Variants in RARB observed in about 807,000 individuals in gnomAD.
RARB encodes retinoic acid receptor beta, also known as HBV-activated protein.
A neutral mutation model predicts 51.9 loss-of-function variants in RARB; 17 were observed. That is an observed-to-expected ratio of 0.33 (90% CI 0.22 to 0.49). RARB has a LOEUF of 0.49. Among genes scored for constraint, RARB ranks in the 20% least tolerant of loss-of-function variants. RARB has a pLI of 0.99. For missense variants in RARB, 369 were observed against 550.8 expected (o/e 0.67, Z 3.30); for synonymous variants, 215 against 195.4 (o/e 1.10, Z -0.84).
intron 2 of RARB, among the ~76,000 whole-genome samples, chr3:24,876,815 CAG>C (rs1559379638): frequency 1.3e-5 from 2 of 152,036 alleles, no homozygotes; most frequent in Non-Finnish European, 2.9e-5. Context: ...ATTAGAAAAA[CAG>C]AGTTTAGATA....
chr3:25,202,548 T>C (rs576989900), intron 5 of RARB, among the ~76,000 whole-genome samples: 1 of 152,226 alleles, frequency 6.6e-6, no homozygotes, highest in African/African-American at 2.4e-5. Context: ...TTTAGATCTT[T>C]CCTGCTTTGT....
chr3:25,112,967 G>T (rs949577145), intron 3 of RARB, among the ~76,000 whole-genome samples: 1 of 152,108 alleles, frequency 6.6e-6, no homozygotes, highest in Non-Finnish European at 1.5e-5. Flanking sequence ...ATTTAGTATA[G>T]ATCTGATTTT....
chr3:24,875,839 C>A (rs1006182085), intron 2 of RARB, among the ~76,000 whole-genome samples: 1 of 152,046 alleles, frequency 6.6e-6, no homozygotes, highest in African/African-American at 2.4e-5. Flanking sequence ...ATCCATTATC[C>A]CACATTACAT....
At chr3:25,579,814 C>G (rs1376001495) in intron 4 of RARB, among the ~76,000 whole-genome samples, 1 of 152,132 alleles carries the variant, frequency 6.6e-6, no homozygotes, top group Non-Finnish European at 1.5e-5. Flanking sequence ...GAGTCTCAGT[C>G]AGATTCAAGT....
intron 2 of RARB, among the ~76,000 whole-genome samples, chr3:25,464,700 T>C (rs1695344111): frequency 6.6e-6 from 1 of 152,108 alleles, no homozygotes. Flanking sequence ...AAAAAAATTA[T>C]CAATACAGTA....
intron 5 of RARB, among the ~76,000 whole-genome samples, chr3:25,252,346 T>C (rs555424137): frequency 1.2e-3 from 178 of 152,302 alleles, no homozygotes; most frequent in Middle Eastern, 3.4e-3. Context: ...TTTGCAATTA[T>C]ATATAAATTT....
At chr3:24,845,634 T>A (rs1446125048) in intron 1 of RARB, among the ~76,000 whole-genome samples, 2 of 152,214 alleles carry the variant, frequency 1.3e-5, no homozygotes, top group African/African-American at 4.8e-5. Context: ...CTATCAGTCA[T>A]TGCTACACTC....
At chr3:25,184,755 G>A (rs1354428986) in intron 5 of RARB, among the ~76,000 whole-genome samples, 2 of 152,042 alleles carry the variant, frequency 1.3e-5, no homozygotes, top group African/African-American at 2.4e-5. Flanking sequence ...GGCTAAGTAT[G>A]GTGGCTCACA....
At chr3:24,907,012 C>T (rs1487790355) in intron 2 of RARB, among the ~76,000 whole-genome samples, 1 of 152,072 alleles carries the variant, frequency 6.6e-6, no homozygotes, top group Non-Finnish European at 1.5e-5. Context: ...TGTAGATATC[C>T]AGTAGGAATA....
At chr3:25,061,261 G>T (rs572839660) in intron 3 of RARB, among the ~76,000 whole-genome samples, 13 of 151,790 alleles carry the variant, frequency 8.6e-5, no homozygotes, top group Non-Finnish European at 1.8e-4. Context: ...TTGGGAGAAA[G>T]ATAAATATGT....
intron 5 of RARB, among the ~76,000 whole-genome samples, chr3:25,322,025 G>A (rs1340589574): frequency 6.6e-6 from 1 of 151,918 alleles, no homozygotes; most frequent in Non-Finnish European, 1.5e-5. Flanking sequence ...AAAGACAGAA[G>A]GAAAGACCAC....
intron 2 of RARB, chr3:25,462,569 A>C (rs777964534): frequency 1.3e-5 from 2 of 152,230 alleles, no homozygotes; most frequent in Non-Finnish European, 1.5e-5. Context: ...TTAACTGTAT[A>C]TATTGGTCAG....
chr3:25,324,877 ATTC>A (rs1424180546), intron 5 of RARB, among the ~76,000 whole-genome samples: 1 of 152,106 alleles, frequency 6.6e-6, no homozygotes, highest in Non-Finnish European at 1.5e-5. Context: ...TGATCTTCTG[ATTC>A]TTCTTGGGTT....
chr3:25,211,167 T>C (rs567806820), intron 5 of RARB, among the ~76,000 whole-genome samples: 1 of 152,318 alleles, frequency 6.6e-6, no homozygotes, highest in East Asian at 1.9e-4. Flanking sequence ...TATGGTCTTG[T>C]TACCAAGGAC....
chr3:25,197,092 T>C (rs930119195), intron 5 of RARB, among the ~76,000 whole-genome samples: 8 of 152,188 alleles, frequency 5.3e-5, no homozygotes, highest in Admixed American at 1.3e-4. Flanking sequence ...TTTGTCTGTT[T>C]TGGCTTTTGT....
At chr3:25,035,120 C>A (rs1697959184) in intron 2 of RARB, among the ~76,000 whole-genome samples, 1 of 152,066 alleles carries the variant, frequency 6.6e-6, no homozygotes, top group Admixed American at 6.5e-5. Context: ...CTGTTAACTG[C>A]ATTTTTTTGT....
In RARB at chr3:25,536,078, C is replaced by G. The variant is rs576744131; in HGVS notation, c.449-33680C>G. On this transcript the variant is annotated intron_variant, in intron 3 of 7. Coordinates refer to ENST00000330688, the MANE Select transcript of RARB (RefSeq NM_000965.5). ...AAGTTTCCCCATCCACTCTCACCTA[C>G]CCACTATACTAAACAATGTTTTTCC... Among the ~76,000 whole-genome samples the G allele has an allele frequency of 2.0e-5, 3 of 152,290 alleles. No individual in the cohort carries two copies. The South Asian group carries it at 6.2e-4, about 32-fold the overall frequency.
intron 5 of RARB, among the ~76,000 whole-genome samples, chr3:25,365,300 T>C (rs2128953): frequency 1.4e-3 from 191 of 138,124 alleles, no homozygotes; most frequent in Non-Finnish European, 2.6e-3. Flanking sequence ...TTTGTGAAGG[T>C]GGGGTTTCAC....
intron 5 of RARB, among the ~76,000 whole-genome samples, chr3:25,317,502 T>A (rs913140036): frequency 1.3e-5 from 2 of 152,128 alleles, no homozygotes; most frequent in African/African-American, 4.8e-5. Context: ...CATTTCATGG[T>A]CAAATCTCAA....
Sources: gnomAD v4.1 joint callset for allele counts (sites outside exome capture counted in the v4.1 genomes callset) on GRCh38, gnomAD v4.1.1 for gene constraint, MANE v1.5 for transcripts, NCBI Gene and HGNC (gene_info 2026-07-23, HGNC 2026-07-21) for gene names.